Variants in AFG1L observed in about 807,000 individuals in gnomAD.
AFG1L encodes the protein AFG1 like ATPase, also known as AFG1-like ATPase.
Under a neutral mutation model 62.2 loss-of-function variants are expected in AFG1L, and 53 were observed. The observed-to-expected ratio is 0.85, with a 90% CI of 0.68 to 1.07. The LOEUF (loss-of-function observed/expected upper bound fraction) is 1.07, where lower values mean the gene tolerates loss of function less well. Ranked by LOEUF, AFG1L falls within the 50% of genes least tolerant of loss-of-function variation. The pLI, the probability that AFG1L is intolerant of heterozygous loss-of-function variation, is 0.00. For synonymous variants in AFG1L, 228 were observed against 210.3 expected (o/e 1.08, Z -0.73); for missense variants, 555 against 590.5 (o/e 0.94, Z 0.62).
At chr6:108,317,506 C>T (rs1182336514) in intron 1 of AFG1L, among the ~76,000 whole-genome samples, 1 of 152,122 alleles carries the variant, frequency 6.6e-6, no homozygotes, top group Non-Finnish European at 1.5e-5. Context: ...CAAAACCAAT[C>T]TTAGGTTCTA....
At chr6:108,382,821 C>A (rs1175351839) in intron 6 of AFG1L, among the ~76,000 whole-genome samples, 1 of 152,140 alleles carries the variant, frequency 6.6e-6, no homozygotes, top group East Asian at 1.9e-4. Flanking sequence ...AGGAAAAAGC[C>A]ACATATCTTG....
intron 2 of AFG1L, among the ~76,000 whole-genome samples, chr6:108,329,562 G>A (rs1191861854): frequency 6.6e-6 from 1 of 152,128 alleles, no homozygotes. Context: ...GCCTCCCAAA[G>A]TGCTGGGATT....
intron 7 of AFG1L, among the ~76,000 whole-genome samples, chr6:108,423,687 A>G (rs1324686048): frequency 1.3e-5 from 2 of 152,130 alleles, no homozygotes; most frequent in African/African-American, 4.8e-5. Flanking sequence ...ACACAAGCAT[A>G]TACAAGTAAT....
At chr6:108,383,627 A>G (rs1780639119) in intron 6 of AFG1L, among the ~76,000 whole-genome samples, 2 of 152,202 alleles carry the variant, frequency 1.3e-5, no homozygotes, top group African/African-American at 2.4e-5. Flanking sequence ...TGATGAAGAA[A>G]GGAAAAAGTC....
At chr6:108,508,852 A>G (rs1774524984) in intron 10 of AFG1L, among the ~76,000 whole-genome samples, 1 of 152,204 alleles carries the variant, frequency 6.6e-6, no homozygotes, top group Admixed American at 6.5e-5. Context: ...GTTTCATGCA[A>G]AGGACTTCCC....
At chr6:108,416,930 A>G (rs1770323775) in intron 7 of AFG1L, among the ~76,000 whole-genome samples, 1 of 150,132 alleles carries the variant, frequency 6.7e-6, no homozygotes, top group African/African-American at 2.5e-5. Context: ...TAATAATAAT[A>G]ATAAATAAAT....
intron 1 of AFG1L, among the ~76,000 whole-genome samples, chr6:108,316,722 C>A (rs904158016): frequency 6.6e-6 from 1 of 151,730 alleles, no homozygotes; most frequent in African/African-American, 2.4e-5. Context: ...TTAGTAGAGA[C>A]GGGGTTTCAC....
At chr6:108,357,084 C>T (rs1779321050) in intron 5 of AFG1L, among the ~76,000 whole-genome samples, 1 of 151,964 alleles carries the variant, frequency 6.6e-6, no homozygotes, top group African/African-American at 2.4e-5. Context: ...CGTGCACACA[C>T]ACACACATAT....
intron 2 of AFG1L, chr6:108,344,729 C>A (rs1778801507): frequency 2.1e-6 from 1 of 470,916 alleles, no homozygotes; most frequent in African/African-American, 2.0e-5. Flanking sequence ...TTTTACCCTC[C>A]CTTTCTGAAC....
At chr6:108,471,996 G>A (rs1772917153) in intron 8 of AFG1L, among the ~76,000 whole-genome samples, 1 of 152,072 alleles carries the variant, frequency 6.6e-6, no homozygotes. Flanking sequence ...ATACACAATG[G>A]AATATTATTC....
At chr6:108,416,962 G>T (rs537301221) in intron 7 of AFG1L, among the ~76,000 whole-genome samples, 2 of 151,948 alleles carry the variant, frequency 1.3e-5, no homozygotes, top group South Asian at 4.2e-4. Flanking sequence ...CCTGGGCTGG[G>T]TGTGGTGGCT....
chr6:108,381,421 C>G (rs1273081967), intron 6 of AFG1L, among the ~76,000 whole-genome samples: 2 of 151,454 alleles, frequency 1.3e-5, no homozygotes, highest in African/African-American at 2.4e-5. Flanking sequence ...AGTGTCAGGA[C>G]CTGGGTGCAT....
At chr6:108,379,571 G>T (rs1289693550) in intron 6 of AFG1L, among the ~76,000 whole-genome samples, 1 of 152,214 alleles carries the variant, frequency 6.6e-6, no homozygotes. Context: ...GGCAGAGGCA[G>T]ACCTGGCAAA....
chr6:108,318,305 G>A (rs772430041), intron 1 of AFG1L: 26 of 396,394 alleles, frequency 6.6e-5, no homozygotes, highest in African/African-American at 3.2e-4. Context: ...GCTTGAATGC[G>A]TTGAGCCCAA....
chr6:108,420,367 T>G (rs1166768661), intron 7 of AFG1L, among the ~76,000 whole-genome samples: 3 of 149,184 alleles, frequency 2.0e-5, no homozygotes, highest in Non-Finnish European at 4.5e-5. Flanking sequence ...TTTTATTAAA[T>G]TTATTTAATT....
At chr6:108,360,506 CT>C in intron 5 of AFG1L, among the ~76,000 whole-genome samples, 1 of 152,094 alleles carries the variant, frequency 6.6e-6, no homozygotes, top group African/African-American at 2.4e-5. Context: ...ATGGGAGACC[CT>C]ATTCCCCTGA....
At chr6:108,408,209 T>C (rs1781949862) in intron 7 of AFG1L, among the ~76,000 whole-genome samples, 1 of 151,846 alleles carries the variant, frequency 6.6e-6, no homozygotes, top group African/African-American at 2.4e-5. Flanking sequence ...TTTTAAACTT[T>C]GATAGGGTGA....
At chr6:108,478,560 C>A (rs1047475073) in intron 10 of AFG1L, among the ~76,000 whole-genome samples, 1 of 152,254 alleles carries the variant, frequency 6.6e-6, no homozygotes, top group African/African-American at 2.4e-5. Context: ...ACCTTTCAGA[C>A]CTCTTCTGGA....
chr6:108,351,869 A>C lies in AFG1L; in HGVS notation c.416-3785A>C, dbSNP rs940081946. On this transcript the variant is annotated intron_variant, in intron 3 of 12. Transcript: ENST00000368977. ...GTGTAGACATCCTTGCCTTTGTCAAATTGTAGGGGAGAAGTGTTCAGTCTT... is the reference window on the plus strand; with the variant it reads ...GTGTAGACATCCTTGCCTTTGTCAACTTGTAGGGGAGAAGTGTTCAGTCTT... Among the ~76,000 whole-genome samples the C allele has an allele frequency of 2.6e-5, 4 of 152,288 alleles. No individual in the cohort carries two copies. The East Asian group carries it at 7.7e-4, about 29-fold the overall frequency.
Sources: allele counts gnomAD v4.1 joint callset (sites outside exome capture counted in the v4.1 genomes callset), GRCh38; gene constraint gnomAD v4.1.1; transcripts MANE v1.5; gene names NCBI Gene and HGNC (gene_info 2026-07-23, HGNC 2026-07-21).